The following GBF1 variants were observed in gnomAD, a reference collection of about 807,000 sequenced individuals.
GBF1 encodes the protein Golgi-specific brefeldin A-resistance guanine nucleotide exchange factor 1.
Under a neutral mutation model 210.5 loss-of-function variants are expected in GBF1, and 114 were observed. The observed-to-expected ratio is 0.54, with a 90% CI of 0.47 to 0.63. GBF1 has a LOEUF of 0.63. Ranked by LOEUF, GBF1 falls within the 30% of genes least tolerant of loss-of-function variation. The pLI, the probability that GBF1 is intolerant of heterozygous loss-of-function variation, is 0.00. For synonymous variants in GBF1, 850 were observed against 889.2 expected (o/e 0.96, Z 0.78); for missense variants, 1,851 against 2,357.7 (o/e 0.79, Z 4.45).
chr10:102,267,796 G>A (rs181159756), intron 3 of GBF1, among the ~76,000 whole-genome samples: 7 of 152,150 alleles, frequency 4.6e-5, no homozygotes, highest in Admixed American at 4.6e-4. Flanking sequence ...GTTAGGAAAG[G>A]CAATGGGCAC....
intron 3 of GBF1, among the ~76,000 whole-genome samples, chr10:102,268,486 T>A (rs569982064): frequency 6.6e-6 from 1 of 152,334 alleles, no homozygotes; most frequent in South Asian, 2.1e-4. Context: ...TTATTGCATT[T>A]GTCCTCTTTA....
chr10:102,293,192 A>G (rs1187676516), intron 3 of GBF1, among the ~76,000 whole-genome samples: 2 of 152,188 alleles, frequency 1.3e-5, no homozygotes, highest in East Asian at 1.9e-4. Flanking sequence ...GACCCCATAC[A>G]TGATAGTGGG....
chr10:102,354,872 G>A (rs2059200736), intron 8 of GBF1, among the ~76,000 whole-genome samples: 1 of 151,728 alleles, frequency 6.6e-6, no homozygotes, highest in Admixed American at 6.6e-5. Context: ...GGATTACCTG[G>A]ACTGGGTTTG....
At chr10:102,295,665 AGTCTGTTTAC>A (rs2076851793) in intron 3 of GBF1, among the ~76,000 whole-genome samples, 1 of 152,198 alleles carries the variant, frequency 6.6e-6, no homozygotes, top group South Asian at 2.1e-4. Flanking sequence ...GGCGTTTGTT[AGTCTGTTTAC>A]ATAATTTACA....
intron 7 of GBF1, among the ~76,000 whole-genome samples, chr10:102,352,937 A>AC (rs2059090498): frequency 6.6e-6 from 1 of 151,666 alleles, no homozygotes; most frequent in African/African-American, 2.4e-5. Context: ...ATCCTGGCAA[A>AC]CCCCCCTCAG....
chr10:102,376,425 G>T lies in GBF1; in HGVS notation c.4040G>T (p.Trp1347Leu). Residue 1347 changes from tryptophan to leucine, a missense_variant, in exon 31 of 40, where the codon TGG becomes TTG. Around this residue, in one of 3 missense-constraint regions of GBF1, gnomAD observed 967 missense variants for 1,247.7 expected, o/e 0.78. Coordinates refer to ENST00000369983, the MANE Select transcript of GBF1 (RefSeq NM_001377137.1). ...GATGCCGATGTGGTCAACAGTGGTT[G>T]GTTAGTGGTGAGTGACAATATGGGC... ...ATDADVVNSG[W>L]LVVGKDDVDN... is the part of the protein sequence containing the mutation. 6.2e-7 allele frequency: 1 copy of T among 1,614,186 alleles called. No homozygotes were observed. Among genetic ancestry groups the T allele is most frequent in the Non-Finnish European group, 8.5e-7 (1 of 1,180,012 alleles).
intron 8 of GBF1, 87 bp from the exon 9 acceptor site, chr10:102,357,952 A>G (rs2059386047): frequency 1.1e-6 from 1 of 895,896 alleles, no homozygotes; most frequent in African/African-American, 1.6e-5. Flanking sequence ...CTTGTTTTCT[A>G]GAGATCAGTA....
chr10:102,382,506 A>T lies in GBF1; in HGVS notation c.*170A>T. 1 of 587,382 alleles carries T rather than the reference A, an allele frequency of 1.7e-6. No homozygotes were observed. Among genetic ancestry groups the T allele is most frequent in the Non-Finnish European group, 2.9e-6 (1 of 341,448 alleles). The allele number at this position is 587,382 out of a possible 1,614,324, so 36.4% of individuals were successfully genotyped here. A position where few individuals can be genotyped will look rare whatever the true frequency, so the allele number is the denominator to read the frequency against. ...GTTGATAGCCCCAGCTAAGACCCCCAATCAGCTGTGGGACCTTTTTCCTCC... is the reference window on the plus strand; with the variant it reads ...GTTGATAGCCCCAGCTAAGACCCCCTATCAGCTGTGGGACCTTTTTCCTCC... On this transcript the variant is annotated 3_prime_UTR_variant, in exon 40 of 40. Coordinates refer to ENST00000369983, the MANE Select transcript of GBF1 (RefSeq NM_001377137.1).
intron 3 of GBF1, among the ~76,000 whole-genome samples, chr10:102,329,651 GATAGGGTTTC>G (rs2057178105): frequency 6.6e-6 from 1 of 151,192 alleles, no homozygotes. Flanking sequence ...TTTTAGTAGA[GATAGGGTTTC>G]ACCGTGTTAA....
intron 12 of GBF1, 152 bp from the exon 13 acceptor site, chr10:102,360,870 G>A: frequency 1.6e-6 from 1 of 620,738 alleles, no homozygotes. Flanking sequence ...AGCTTCTTGG[G>A]AGGCTGAGGA....
At chr10:102,256,136 G>C (rs921235126) in intron 1 of GBF1, among the ~76,000 whole-genome samples, 1 of 152,136 alleles carries the variant, frequency 6.6e-6, no homozygotes, top group African/African-American at 2.4e-5. Context: ...TATAGAGACA[G>C]GGTTCGCCAT....
chr10:102,342,267 G>C (rs2058239951), intron 3 of GBF1, among the ~76,000 whole-genome samples: 2 of 151,938 alleles, frequency 1.3e-5, no homozygotes, highest in Non-Finnish European at 1.5e-5. Flanking sequence ...TCGATCTCCT[G>C]ACCTCGTGAT....
At chr10:102,276,848 G>A (rs2075025717) in intron 3 of GBF1, among the ~76,000 whole-genome samples, 1 of 152,002 alleles carries the variant, frequency 6.6e-6, no homozygotes, top group African/African-American at 2.4e-5. Context: ...TACCTAATTG[G>A]TATCAGGACA....
intron 13 of GBF1, 21 bp from the exon 14 acceptor site, chr10:102,361,697 C>CAATT: frequency 6.6e-7 from 1 of 1,515,788 alleles, no homozygotes; most frequent in African/African-American, 1.4e-5. Context: ...ACCCAAATGG[C>CAATT]AATTACTGGG....
chr10:102,348,485 C>T (rs1162306789), intron 4 of GBF1, among the ~76,000 whole-genome samples: 2 of 152,232 alleles, frequency 1.3e-5, no homozygotes, highest in Non-Finnish European at 2.9e-5. Flanking sequence ...CTACTATTCA[C>T]TTATCTCTGA....
At chr10:102,234,846 T>A in the GBF1 span, among the ~76,000 whole-genome samples, 1 of 152,148 alleles carries the variant, frequency 6.6e-6, no homozygotes, top group African/African-American at 2.4e-5. Flanking sequence ...GTCCCCGGCA[T>A]TCCATACCTG....
chr10:102,269,777 T>C (rs1226047359), intron 3 of GBF1, among the ~76,000 whole-genome samples: 1 of 152,152 alleles, frequency 6.6e-6, no homozygotes, highest in Non-Finnish European at 1.5e-5. Flanking sequence ...AGAGCTGATA[T>C]GGTATTACAA....
At chr10:102,307,854 A>G (rs948150450) in intron 3 of GBF1, among the ~76,000 whole-genome samples, 2 of 152,176 alleles carry the variant, frequency 1.3e-5, no homozygotes, top group African/African-American at 2.4e-5. Context: ...GAAAGACTTG[A>G]ACAGACATTC....
chr10:102,319,655 C>T (rs1466761943), intron 3 of GBF1, among the ~76,000 whole-genome samples: 1 of 151,830 alleles, frequency 6.6e-6, no homozygotes, highest in African/African-American at 2.4e-5. Context: ...AACTTCCCTT[C>T]AGTTTTCTCT....
Sources: allele counts gnomAD v4.1 joint callset (sites outside exome capture counted in the v4.1 genomes callset), GRCh38; gene constraint gnomAD v4.1.1; regional missense constraint gnomAD v4.1.1; transcripts MANE v1.5; gene names NCBI Gene and HGNC (gene_info 2026-07-23, HGNC 2026-07-21).